The following PTPRM variants were observed in gnomAD, a reference collection of about 807,000 sequenced individuals.
The protein encoded by PTPRM is protein tyrosine phosphatase receptor type M, also known as receptor-type tyrosine-protein phosphatase mu.
Under a neutral mutation model 186.7 loss-of-function variants are expected in PTPRM, and 47 were observed. The ratio of observed to expected loss-of-function variants is 0.25; its 90% CI spans 0.20 to 0.32. PTPRM has a LOEUF of 0.32. Ranked by LOEUF, PTPRM falls within the 10% of genes least tolerant of loss-of-function variation. PTPRM has a pLI of 1.00. For synonymous variants in PTPRM, 668 were observed against 674.9 expected, an observed-to-expected ratio of 0.99 and a Z score of 0.16; for missense variants, 1,494 against 1,865.0, an observed-to-expected ratio of 0.80 and a Z score of 3.66.
At chr18:7,569,523 A>G (rs935271084) in intron 1 of PTPRM, among the ~76,000 whole-genome samples, 3 of 152,250 alleles carry the variant, frequency 2.0e-5, no homozygotes, top group Non-Finnish European at 4.4e-5. Context: ...CATTAGTATT[A>G]GAAGCCAAGT....
chr18:8,116,400 A>C (rs1197807381), intron 13 of PTPRM, among the ~76,000 whole-genome samples: 3 of 152,228 alleles, frequency 2.0e-5, no homozygotes, highest in African/African-American at 7.2e-5. Context: ...TCTTATTTTT[A>C]AGATGAGGAA....
chr18:8,206,043 G>A (rs947169494), intron 14 of PTPRM, among the ~76,000 whole-genome samples: 1 of 152,080 alleles, frequency 6.6e-6, no homozygotes, highest in Admixed American at 6.6e-5. Context: ...TTTAAAATAA[G>A]GGATGAGTTG....
chr18:7,901,174 GTT>G (rs2049657473), intron 3 of PTPRM, among the ~76,000 whole-genome samples: 1 of 152,112 alleles, frequency 6.6e-6, no homozygotes, highest in Non-Finnish European at 1.5e-5. Context: ...CATTAGAGTA[GTT>G]CCTTATTTGA....
At chr18:8,064,971 A>G (rs1162883429) in intron 7 of PTPRM, among the ~76,000 whole-genome samples, 1 of 152,206 alleles carries the variant, frequency 6.6e-6, no homozygotes, top group Non-Finnish European at 1.5e-5. Flanking sequence ...GGGGCCCACC[A>G]TGCCATTCTG....
At chr18:8,265,500 A>G (rs879473869) in intron 19 of PTPRM, among the ~76,000 whole-genome samples, 7 of 152,232 alleles carry the variant, frequency 4.6e-5, no homozygotes, top group African/African-American at 7.2e-5. Flanking sequence ...TGAGTTGGGC[A>G]TGAAAGCCCA....
At chr18:8,008,392 A>C (rs2084317288) in intron 7 of PTPRM, among the ~76,000 whole-genome samples, 2 of 152,242 alleles carry the variant, frequency 1.3e-5, no homozygotes, top group Admixed American at 1.3e-4. Flanking sequence ...CTTTCAGCTT[A>C]AAAATCTTAA....
chr18:8,390,816 T>C (rs2095806441), intron 31 of PTPRM, among the ~76,000 whole-genome samples: 1 of 151,876 alleles, frequency 6.6e-6, no homozygotes, highest in Non-Finnish European at 1.5e-5. Context: ...TAGTCCCAGC[T>C]ACTTGGGAGG....
intron 2 of PTPRM, among the ~76,000 whole-genome samples, chr18:7,842,253 G>C (rs1173827240): frequency 6.6e-6 from 1 of 152,178 alleles, no homozygotes; most frequent in Non-Finnish European, 1.5e-5. Flanking sequence ...AGAACAATAG[G>C]TATAAGCCAG....
intron 14 of PTPRM, among the ~76,000 whole-genome samples, chr18:8,165,438 GCA>G (rs2146388721): frequency 6.6e-6 from 1 of 152,250 alleles, no homozygotes; most frequent in African/African-American, 2.4e-5. Flanking sequence ...CCACAGAAAT[GCA>G]CAAAGCTACA....
chr18:7,753,381 G>A (rs909997363), intron 1 of PTPRM, among the ~76,000 whole-genome samples: 8 of 152,076 alleles, frequency 5.3e-5, no homozygotes, highest in African/African-American at 1.9e-4. Flanking sequence ...GAAGCAGCGT[G>A]TTTTAAGAGT....
chr18:8,317,009 T>C (rs749626602), intron 21 of PTPRM, among the ~76,000 whole-genome samples: 3 of 152,148 alleles, frequency 2.0e-5, no homozygotes, highest in African/African-American at 4.8e-5. Flanking sequence ...AGTTCCATGA[T>C]ATGGGGAGAG....
chr18:8,392,420 T>C lies in PTPRM; in HGVS notation c.4209-2056T>C, dbSNP rs368467982. Among the ~76,000 whole-genome samples, 345 of 151,526 alleles carry C rather than the reference T, an allele frequency of 2.3e-3. 1 individual carries two copies. Among genetic ancestry groups the C allele is most frequent in the South Asian group, 9.8e-3 (47 of 4,788 alleles). ...CGGGCAGATCACTAGGTCAGGAGATTGAGACTATCCTGGCTAACACGGTGA... is the reference window on the plus strand; with the variant it reads ...CGGGCAGATCACTAGGTCAGGAGATCGAGACTATCCTGGCTAACACGGTGA... On this transcript the variant is annotated intron_variant, in intron 31 of 32. Transcript: ENST00000580170.
intron 14 of PTPRM, among the ~76,000 whole-genome samples, chr18:8,183,660 A>G (rs1000477782): frequency 1.2e-4 from 19 of 152,192 alleles, no homozygotes; most frequent in African/African-American, 4.6e-4. Flanking sequence ...TAGTTAACCA[A>G]TGGGAGGAAT....
intron 1 of PTPRM, among the ~76,000 whole-genome samples, chr18:7,722,077 G>A (rs1323418972): frequency 1.3e-5 from 2 of 152,156 alleles, no homozygotes; most frequent in Admixed American, 1.3e-4. Context: ...AAGTATGTAA[G>A]GACATGTGTC....
intron 5 of PTPRM, among the ~76,000 whole-genome samples, chr18:7,927,682 G>A (rs2051256206): frequency 6.6e-6 from 1 of 152,124 alleles, no homozygotes; most frequent in Admixed American, 6.5e-5. Context: ...GAGACTCCGT[G>A]TGACACTCTG....
At chr18:8,346,152 C>T (rs138416869) in intron 23 of PTPRM, among the ~76,000 whole-genome samples, 435 of 152,268 alleles carry the variant, frequency 2.9e-3, no homozygotes, top group African/African-American at 9.6e-3. Context: ...ACCACCAGCC[C>T]GGCCTAGAAG....
chr18:8,324,629 A>G (rs912293356), intron 22 of PTPRM, among the ~76,000 whole-genome samples: 1 of 152,222 alleles, frequency 6.6e-6, no homozygotes, highest in Non-Finnish European at 1.5e-5. Context: ...AAATAGTAAT[A>G]ATAGTCAAGA....
chr18:8,164,829 A>T (rs2093294404), intron 14 of PTPRM, among the ~76,000 whole-genome samples: 1 of 152,232 alleles, frequency 6.6e-6, no homozygotes, highest in Non-Finnish European at 1.5e-5. Context: ...ACACTTAAAA[A>T]TAGTTAAAAT....
At chr18:8,170,345 G>A (rs756676090) in intron 14 of PTPRM, among the ~76,000 whole-genome samples, 3 of 152,114 alleles carry the variant, frequency 2.0e-5, no homozygotes, top group Non-Finnish European at 4.4e-5. Context: ...TGGCTGTGCT[G>A]GCCGCACAGT....
Sources: allele counts gnomAD v4.1 joint callset (sites outside exome capture counted in the v4.1 genomes callset), GRCh38; gene constraint gnomAD v4.1.1; transcripts MANE v1.5; gene names NCBI Gene and HGNC (gene_info 2026-07-23, HGNC 2026-07-21).